Variants in CENPC observed in about 807,000 individuals in gnomAD.
The protein encoded by CENPC is CENP-C 1.
CENPC carries 63 observed loss-of-function variants against 112.1 expected under a neutral mutation model. The ratio of observed to expected loss-of-function variants is 0.56; its 90% confidence interval spans 0.46 to 0.69. The LOEUF is 0.69. CENPC is among the 30% of genes least tolerant of loss of function. CENPC has a pLI of 0.00. For synonymous variants in CENPC, 333 were observed against 367.6 expected, an observed-to-expected ratio of 0.91 and a Z score of 1.08; for missense variants, 1,000 against 1,103.8, an observed-to-expected ratio of 0.91 and a Z score of 1.33.
chr4:67,545,493 C>A lies in CENPC; in HGVS notation c.-138G>T. On this transcript the variant is annotated 5_prime_UTR_variant, in exon 1 of 19. Coordinates refer to ENST00000273853, the MANE Select transcript of CENPC (RefSeq NM_001812.4). ...AATAACCTTAAGTCTCAGGCGACTG[C>A]CGCGAGAGCTGCGATCCGGAAGGCG... 1 of 818,852 alleles carries A rather than the reference C, an allele frequency of 1.2e-6. No homozygotes were observed. Among genetic ancestry groups the A allele is most frequent in the South Asian group, 2.8e-5 (1 of 35,442 alleles). The allele number at this position is 818,852 out of a possible 1,614,324, so 50.7% of individuals were successfully genotyped here.
rs1726871762 is a variant in CENPC, at chr4:67,540,997, T to C, written c.119A>G (p.Asp40Gly). Residue 40 changes from aspartate (D) to glycine (G), a missense_variant, in exon 3 of 19, where the codon GAC becomes GGC. By Grantham distance (94) the Asp-to-Gly change is moderately conservative. Transcript: ENST00000273853. The stretch of plus-strand genomic sequence containing the variant: ...AGCCTTACTTTTTTCTTCAAAACAG[T>C]CTTGTAAGATTTCCAGAACATTCTG... The part of the protein sequence containing the change: ...QGQNVLEILQ[D>G]CFEEKSLAND... 1 of 1,608,726 alleles carries C rather than the reference T, an allele frequency of 6.2e-7. No individual in the cohort carries two copies. Among genetic ancestry groups the C allele is most frequent in the Non-Finnish European group, 8.5e-7 (1 of 1,177,324 alleles).
intron 4 of CENPC, among the ~76,000 whole-genome samples, chr4:67,532,513 A>C (rs1414871437): frequency 6.6e-6 from 1 of 152,204 alleles, no homozygotes; most frequent in Non-Finnish European, 1.5e-5. Flanking sequence ...TCCATCAATG[A>C]TAGAGTGGAT....
In CENPC at chr4:67,471,546, A is replaced by G. The variant is rs1286321341; in HGVS notation, c.*1059T>C. On this transcript the variant is annotated 3_prime_UTR_variant, in exon 19 of 19. Transcript: ENST00000273853. The stretch of plus-strand genomic sequence containing the variant: ...TCAAAGAAATAAAAGTAAAAAAAAA[A>G]TTAAAAATGACTCAATAAAAGAGAA... The G allele has an allele frequency of 6.6e-6, 1 of 152,138 alleles. No homozygotes were observed. The highest frequency in any genetic ancestry group is 1.5e-5 in the Non-Finnish European group (1 of 68,016). The allele number at this position is 152,138 out of a possible 1,614,324, so 9.4% of individuals were successfully genotyped here.
rs146500743 is a variant in CENPC, at chr4:67,478,666, A to ACACACACACACC, written c.2671-3689_2671-3688insGGTGTGTGTGTG. ...CACACACACACACACACACACACAC[A>ACACACACACACC]CCCAAAGTATTCAGGCAACAACTAG... is the stretch of plus-strand genomic sequence containing the variant. On this transcript the variant is annotated intron_variant, in intron 17 of 18. Transcript: ENST00000273853. Among the ~76,000 whole-genome samples, 82 of 76,642 alleles carry ACACACACACACC rather than the reference A, an allele frequency of 1.1e-3. 4 individuals carry two copies. Among genetic ancestry groups the ACACACACACACC allele is most frequent in the Middle Eastern group, 0.014 (2 of 148 alleles). 50.3% of individuals were successfully genotyped at this position (76,642 alleles called of 152,430 possible). A position where few individuals can be genotyped will look rare whatever the true frequency, so the allele number is the denominator to read the frequency against.
At chr4:67,477,929 A>G (rs1386413603) in intron 17 of CENPC, among the ~76,000 whole-genome samples, 4 of 152,136 alleles carry the variant, frequency 2.6e-5, no homozygotes, top group Non-Finnish European at 5.9e-5. Context: ...TTTTAACAAT[A>G]GAATCGAACG....
chr4:67,490,222 AT>A, intron 16 of CENPC, 101 bp from the exon 17 acceptor site: 2 of 803,006 alleles, frequency 2.5e-6, no homozygotes, highest in Non-Finnish European at 3.6e-6. Context: ...CTGGATATAA[AT>A]CTGCCTTAGA....
chr4:67,490,836 A>AT (rs1491482727), intron 16 of CENPC, among the ~76,000 whole-genome samples: 27 of 66,720 alleles, frequency 4.0e-4, no homozygotes, highest in South Asian at 1.5e-3. Context: ...ATATAGAAAT[A>AT]AATATATATA....
intron 9 of CENPC, among the ~76,000 whole-genome samples, chr4:67,511,542 C>A (rs960366875): frequency 6.6e-6 from 1 of 152,170 alleles, no homozygotes; most frequent in Non-Finnish European, 1.5e-5. Context: ...TCAAAGTTAG[C>A]CCTGTAAACT....
intron 4 of CENPC, among the ~76,000 whole-genome samples, chr4:67,534,838 G>T (rs1023000423): frequency 2.0e-5 from 3 of 152,218 alleles, no homozygotes; most frequent in Admixed American, 6.5e-5. Flanking sequence ...GACAGCTAAG[G>T]ATCACTGGAC....
chr4:67,484,643 T>C (rs1241509117), intron 17 of CENPC, among the ~76,000 whole-genome samples: 3 of 152,154 alleles, frequency 2.0e-5, no homozygotes, highest in Non-Finnish European at 4.4e-5. Context: ...GGAAGAAAAA[T>C]TGTCTTTCAC....
chr4:67,489,199 C>CAT (rs1414084072), intron 17 of CENPC, among the ~76,000 whole-genome samples: 1 of 11,634 alleles, frequency 8.6e-5, no homozygotes, highest in Non-Finnish European at 1.0e-3. Context: ...GTTATACATA[C>CAT]ACACACACAC....
At chr4:67,490,431 G>A (rs1369410088) in intron 16 of CENPC, among the ~76,000 whole-genome samples, 6 of 152,122 alleles carry the variant, frequency 3.9e-5, no homozygotes, top group African/African-American at 7.2e-5. Flanking sequence ...ACGAGTTAAT[G>A]TGTGTAAACT....
At chr4:67,475,062 A>G (rs1395077557) in intron 17 of CENPC, 84 bp from the exon 18 acceptor site, 6 of 620,900 alleles carry the variant, frequency 9.7e-6, no homozygotes, top group Admixed American at 3.1e-5. Context: ...TGGGAAGAAT[A>G]ACGACTCCCC....
chr4:67,478,711 C>T (rs1724874927), intron 17 of CENPC, among the ~76,000 whole-genome samples: 1 of 151,338 alleles, frequency 6.6e-6, no homozygotes, highest in East Asian at 1.9e-4. Flanking sequence ...CAGAACAGTA[C>T]CTCACATCTC....
chr4:67,485,235 C>A (rs892571706), intron 17 of CENPC, among the ~76,000 whole-genome samples: 2 of 152,132 alleles, frequency 1.3e-5, no homozygotes, highest in Non-Finnish European at 2.9e-5. Context: ...CCCTCAAAAT[C>A]ATATGTTAAA....
chr4:67,484,780 G>C (rs1352380593), intron 17 of CENPC, among the ~76,000 whole-genome samples: 1 of 152,126 alleles, frequency 6.6e-6, no homozygotes, highest in Non-Finnish European at 1.5e-5. Context: ...CCACTGTAAA[G>C]ATTATCACCT....
chr4:67,476,414 A>G (rs1724806923), intron 17 of CENPC, among the ~76,000 whole-genome samples: 1 of 152,212 alleles, frequency 6.6e-6, no homozygotes, highest in Non-Finnish European at 1.5e-5. Context: ...AGGTCATGAG[A>G]GAAGGATTTA....
At chr4:67,477,812 G>C (rs1724846026) in intron 17 of CENPC, among the ~76,000 whole-genome samples, 2 of 151,866 alleles carry the variant, frequency 1.3e-5, no homozygotes, top group Non-Finnish European at 2.9e-5. Flanking sequence ...AAAAATACAG[G>C]ATTTTGATGA....
chr4:67,516,070 A>G (rs1017019961), intron 7 of CENPC, among the ~76,000 whole-genome samples: 4 of 152,034 alleles, frequency 2.6e-5, no homozygotes, highest in Non-Finnish European at 5.9e-5. Context: ...ATAATATAAC[A>G]TCAACATTAA....
Sources: gnomAD v4.1 joint callset for allele counts (sites outside exome capture counted in the v4.1 genomes callset) on GRCh38, gnomAD v4.1.1 for gene constraint, MANE v1.5 for transcripts, NCBI Gene and HGNC (gene_info 2026-07-23, HGNC 2026-07-21) for gene names.